The following DSCAM variants were observed in gnomAD, a reference collection of about 807,000 sequenced individuals.
DSCAM encodes the protein DS cell adhesion molecule, also known as cell adhesion molecule DSCAM.
In DSCAM, 47 loss-of-function variants were observed where a neutral mutation model predicts 217.7. The observed-to-expected ratio is 0.22, with a 90% confidence interval of 0.17 to 0.28. DSCAM has a LOEUF of 0.28. Among genes scored for constraint, DSCAM ranks in the 10% least tolerant of loss-of-function variants. DSCAM has a pLI of 1.00. For missense variants in DSCAM, 2,080 were observed against 2,618.3 expected (o/e 0.79, Z 4.49); for synonymous variants, 1,056 against 1,015.3 (o/e 1.04, Z -0.76).
In DSCAM at chr21:40,809,319, A is replaced by T. The variant is rs552515598; in HGVS notation, c.43+37300T>A. Among the ~76,000 whole-genome samples the T allele has an allele frequency of 1.2e-3, 178 of 152,308 alleles. 1 individual carries two copies. The highest frequency in any genetic ancestry group is 3.9e-3 in the African/African-American group (163 of 41,570). ...CAGATCCTAATTTGAGGAAAAGCCG[A>T]TCTATAAAGAAAGTAGACAGAAGCT... On this transcript the variant is annotated intron_variant, in intron 1 of 32. Coordinates refer to ENST00000400454, the MANE Select transcript of DSCAM (RefSeq NM_001389.5).
intron 3 of DSCAM, among the ~76,000 whole-genome samples, chr21:40,488,902 C>G (rs1359496885): frequency 1.3e-5 from 2 of 152,152 alleles, no homozygotes; most frequent in African/African-American, 4.8e-5. Flanking sequence ...AGAGAATTCA[C>G]AGAGATTCTG....
At chr21:40,830,477 A>G (rs147220342) in intron 1 of DSCAM, among the ~76,000 whole-genome samples, 8 of 152,314 alleles carry the variant, frequency 5.3e-5, no homozygotes, top group African/African-American at 1.9e-4. Flanking sequence ...TCCAAGCTAT[A>G]TCACCACTCT....
At chr21:40,226,036 T>G (rs2091329949) in intron 11 of DSCAM, among the ~76,000 whole-genome samples, 1 of 152,238 alleles carries the variant, frequency 6.6e-6, no homozygotes. Flanking sequence ...CTGCTTTACA[T>G]GCATTAACTC....
At chr21:40,607,400 A>AT (rs58893055) in intron 3 of DSCAM, among the ~76,000 whole-genome samples, 11,458 of 121,108 alleles carry the variant, frequency 0.095, 654 homozygotes, top group South Asian at 0.23. Flanking sequence ...TTTAATTCTG[A>AT]TTTTTTTTTT....
At chr21:40,077,489 C>T (rs2089383259) in intron 26 of DSCAM, among the ~76,000 whole-genome samples, 1 of 152,178 alleles carries the variant, frequency 6.6e-6, no homozygotes, top group East Asian at 1.9e-4. Context: ...GGTTCACAGC[C>T]ACTCTTCTTA....
chr21:40,259,933 T>TAGC (rs2073427526), intron 11 of DSCAM, among the ~76,000 whole-genome samples: 1 of 152,090 alleles, frequency 6.6e-6, no homozygotes, highest in Non-Finnish European at 1.5e-5. Context: ...TTCACTGTGT[T>TAGC]AGCCAGGATG....
chr21:40,116,418 A>T (rs1459412434), intron 20 of DSCAM, among the ~76,000 whole-genome samples: 1 of 152,196 alleles, frequency 6.6e-6, no homozygotes, highest in Non-Finnish European at 1.5e-5. Flanking sequence ...TTATAAAACC[A>T]GAATTGATTT....
At chr21:40,111,060 G>C (rs146093157) in intron 20 of DSCAM, among the ~76,000 whole-genome samples, 3 of 152,106 alleles carry the variant, frequency 2.0e-5, no homozygotes, top group African/African-American at 7.2e-5. Context: ...AGGAAATACA[G>C]AGAACACCAT....
At chr21:40,371,702 C>T (rs1226814257) in intron 3 of DSCAM, among the ~76,000 whole-genome samples, 1 of 152,144 alleles carries the variant, frequency 6.6e-6, no homozygotes, top group Non-Finnish European at 1.5e-5. Context: ...CGTATCATTT[C>T]AGAAGAACTT....
chr21:40,452,237 T>TACACACACACACACACACACACACAC (rs71186937), intron 3 of DSCAM, among the ~76,000 whole-genome samples: 3 of 144,370 alleles, frequency 2.1e-5, no homozygotes, highest in African/African-American at 5.2e-5. Flanking sequence ...TACACTATAT[T>TACACACACACACACACACACACACAC]ACACACACAC....
chr21:40,759,358 C>A (rs564819446), intron 1 of DSCAM, among the ~76,000 whole-genome samples: 2 of 152,192 alleles, frequency 1.3e-5, no homozygotes, highest in Non-Finnish European at 2.9e-5. Flanking sequence ...ACCTAATAGC[C>A]GGCTCTGCTT....
intron 21 of DSCAM, among the ~76,000 whole-genome samples, chr21:40,088,546 A>C (rs1400515632): frequency 6.6e-6 from 1 of 152,182 alleles, no homozygotes; most frequent in Admixed American, 6.5e-5. Context: ...TAGAAGCTGG[A>C]CCTTGTTTTT....
intron 10 of DSCAM, among the ~76,000 whole-genome samples, chr21:40,280,155 T>A (rs1361492536): frequency 1.3e-5 from 2 of 149,326 alleles, no homozygotes; most frequent in Non-Finnish European, 3.0e-5. Context: ...TTAATTCATA[T>A]GAAAGTTCAC....
At chr21:40,772,260 C>A (rs985769411) in intron 1 of DSCAM, among the ~76,000 whole-genome samples, 2 of 152,146 alleles carry the variant, frequency 1.3e-5, no homozygotes, top group Non-Finnish European at 2.9e-5. Context: ...CCTCCACCTC[C>A]TGGGTGCAAG....
At chr21:40,344,433 G>A (rs117287213) in intron 6 of DSCAM, among the ~76,000 whole-genome samples, 1 of 151,986 alleles carries the variant, frequency 6.6e-6, no homozygotes, top group Non-Finnish European at 1.5e-5. Context: ...AATGTGCAGG[G>A]CTGCTGACAT....
rs112539304 is a variant in DSCAM, at chr21:40,685,203, A to G, written c.508+7607T>C. The stretch of plus-strand genomic sequence containing the variant: ...AATGTATGAAAATGAAGATGAGCCA[A>G]CATCATTTAAAAAGTTGCATGGCAC... On this transcript the variant is annotated intron_variant, in intron 3 of 32. Coordinates refer to ENST00000400454, the MANE Select transcript of DSCAM (RefSeq NM_001389.5). Among the ~76,000 whole-genome samples the G allele has an allele frequency of 1.1e-3, 162 of 152,348 alleles. 2 individuals are homozygous for G. The highest frequency in any genetic ancestry group is 1.2e-3 in the Admixed American group (19 of 15,312).
chr21:40,115,271 GGAA>G (rs1158702091), intron 20 of DSCAM, among the ~76,000 whole-genome samples: 1 of 152,094 alleles, frequency 6.6e-6, no homozygotes, highest in African/African-American at 2.4e-5. Flanking sequence ...GTAGGGACAT[GGAA>G]GAAGCTGGAA....
chr21:40,487,169 C>A (rs1217392110), intron 3 of DSCAM, among the ~76,000 whole-genome samples: 1 of 151,986 alleles, frequency 6.6e-6, no homozygotes, highest in Non-Finnish European at 1.5e-5. Flanking sequence ...TCTGACTTAT[C>A]TATGGGTTCA....
At chr21:40,506,752 G>C (rs149191577) in intron 3 of DSCAM, among the ~76,000 whole-genome samples, 1,633 of 152,202 alleles carry the variant, frequency 0.011, 29 homozygotes, top group African/African-American at 0.036. Flanking sequence ...TTTTAAAACT[G>C]TTACATTGGA....
Sources: allele counts gnomAD v4.1 joint callset (sites outside exome capture counted in the v4.1 genomes callset), GRCh38; gene constraint gnomAD v4.1.1; transcripts MANE v1.5; gene names NCBI Gene and HGNC (gene_info 2026-07-23, HGNC 2026-07-21).